Variants in HIVEP3 observed in about 807,000 individuals in gnomAD.
HIVEP3 encodes HIVEP zinc finger 3.
Under a neutral mutation model 152.8 loss-of-function variants are expected in HIVEP3, and 49 were observed. That is an observed-to-expected ratio of 0.32 (90% confidence interval 0.26 to 0.41). The LOEUF is 0.41. Among genes scored for constraint, HIVEP3 ranks in the 10% least tolerant of loss-of-function variants. HIVEP3 has a pLI of 1.00. For missense variants in HIVEP3, 2,790 were observed against 3,103.3 expected (o/e 0.90, Z 2.40); for synonymous variants, 1,269 against 1,289.0 (o/e 0.98, Z 0.33).
chr1:41,985,015 G>A (rs548549244), intron 1 of HIVEP3, among the ~76,000 whole-genome samples: 18 of 152,216 alleles, frequency 1.2e-4, no homozygotes, highest in African/African-American at 3.1e-4. Context: ...GAATGGCAGC[G>A]AAGGCCCTTC....
chr1:41,560,310 A>T (rs976730988), intron 5 of HIVEP3, among the ~76,000 whole-genome samples: 11 of 152,182 alleles, frequency 7.2e-5, no homozygotes, highest in African/African-American at 2.7e-4. Flanking sequence ...ATTTGAACCC[A>T]GGTGTGCTGT....
chr1:41,727,072 G>A (rs1223487287), intron 1 of HIVEP3, among the ~76,000 whole-genome samples: 7 of 152,204 alleles, frequency 4.6e-5, no homozygotes, highest in African/African-American at 1.7e-4. Flanking sequence ...GCCCAGTGTT[G>A]GGGGAGAAGA....
intron 1 of HIVEP3, among the ~76,000 whole-genome samples, chr1:41,845,425 A>ACACACACACACG (rs1643414738): frequency 1.7e-5 from 1 of 58,462 alleles, no homozygotes; most frequent in East Asian, 3.0e-4. Flanking sequence ...ACACGCACAC[A>ACACACACACACG]CACACACACA....
At chr1:41,879,853 A>G (rs1287865981) in intron 1 of HIVEP3, among the ~76,000 whole-genome samples, 1 of 152,210 alleles carries the variant, frequency 6.6e-6, no homozygotes, top group African/African-American at 2.4e-5. Context: ...CAGCCTAGGT[A>G]GTTACTAGAA....
At chr1:41,815,839 G>A (rs191322729) in intron 1 of HIVEP3, among the ~76,000 whole-genome samples, 91 of 150,818 alleles carry the variant, frequency 6.0e-4, no homozygotes, top group Middle Eastern at 3.4e-3. Flanking sequence ...GTGGGATCTC[G>A]GCCCACTGCA....
At chr1:41,897,225 G>A (rs1299211647) in intron 1 of HIVEP3, among the ~76,000 whole-genome samples, 1 of 152,146 alleles carries the variant, frequency 6.6e-6, no homozygotes, top group Non-Finnish European at 1.5e-5. Context: ...GGGGGATTCT[G>A]GCTAAATTGG....
intron 3 of HIVEP3, among the ~76,000 whole-genome samples, chr1:41,604,359 A>T (rs1644788050): frequency 6.6e-6 from 1 of 152,372 alleles, no homozygotes; most frequent in Non-Finnish European, 1.5e-5. Context: ...AGAACAAAGT[A>T]CTGCTACAGA....
chr1:41,779,286 T>C (rs1648897850), intron 1 of HIVEP3, among the ~76,000 whole-genome samples: 1 of 152,150 alleles, frequency 6.6e-6, no homozygotes, highest in Non-Finnish European at 1.5e-5. Flanking sequence ...GCTGCCTGGG[T>C]GGATCCCAAC....
chr1:41,951,803 G>A (rs949713483), intron 1 of HIVEP3, among the ~76,000 whole-genome samples: 13 of 152,166 alleles, frequency 8.5e-5, no homozygotes, highest in Admixed American at 7.8e-4. Context: ...AGAAAAGCAT[G>A]GGGGAAACTG....
chr1:41,996,415 C>G (rs1023427266), intron 1 of HIVEP3, among the ~76,000 whole-genome samples: 3 of 144,870 alleles, frequency 2.1e-5, no homozygotes, highest in Admixed American at 6.8e-5. Flanking sequence ...GAGAGAGAGA[C>G]AGAGCTGGCA....
intron 1 of HIVEP3, among the ~76,000 whole-genome samples, chr1:41,846,024 G>A (rs554307553): frequency 2.4e-4 from 37 of 152,218 alleles, no homozygotes; most frequent in Middle Eastern, 3.4e-3. Context: ...AGATTGCGCC[G>A]CTGCATTCCA....
rs559649768 is a variant in HIVEP3, at chr1:41,521,381, G to A, written c.5384-2893C>T. On this transcript the variant is annotated intron_variant, in intron 6 of 8. Coordinates refer to ENST00000372583, the MANE Select transcript of HIVEP3 (RefSeq NM_024503.5). ...AGAAGGCACCAGGGAGCCCCCCATA[G>A]GCCTCCCTCTCCTCTGCCCCCGCCA... 3.3e-5 allele frequency among the ~76,000 whole-genome samples: 5 copies of A among 152,354 alleles called. No homozygotes were observed. The East Asian group carries it at 5.8e-4, about 18-fold the overall frequency.
intron 1 of HIVEP3, among the ~76,000 whole-genome samples, chr1:41,939,346 G>A (rs1388814390): frequency 6.6e-6 from 1 of 152,132 alleles, no homozygotes; most frequent in Non-Finnish European, 1.5e-5. Flanking sequence ...TCCAGAATTT[G>A]GGAATAAAGG....
intron 1 of HIVEP3, among the ~76,000 whole-genome samples, chr1:41,994,875 A>C (rs1645386306): frequency 1.3e-5 from 2 of 152,176 alleles, no homozygotes; most frequent in South Asian, 4.1e-4. Context: ...TTTGAAAAAT[A>C]ACCCGAGAGG....
chr1:41,891,716 C>T (rs191209700), intron 1 of HIVEP3, among the ~76,000 whole-genome samples: 63 of 152,368 alleles, frequency 4.1e-4, no homozygotes, highest in African/African-American at 1.4e-3. Flanking sequence ...TTCTGAACAT[C>T]CATTCGGGCT....
At position 41,584,928 on chromosome 1, in the gene HIVEP3, G is replaced by C. The variant is rs1644481717; in HGVS notation, c.-131C>G. The C allele has an allele frequency of 1.2e-6, 1 of 856,952 alleles. No individual in the cohort carries two copies. The highest frequency in any genetic ancestry group is 1.6e-6 in the Non-Finnish European group (1 of 609,002). The allele number at this position is 856,952 out of a possible 1,614,324, so 53.1% of individuals were successfully genotyped here. On this transcript the variant is annotated 5_prime_UTR_variant, in exon 4 of 9. Transcript: ENST00000372583. The surrounding 1 kb of genome is among the most constrained non-coding windows in gnomAD (Gnocchi z 5.2). ...CAAGAGCTGTGGGAGCCAAACCCAA[G>C]ACGGCTTTGGGAGTTTTTTGCAAGT... is the stretch of plus-strand genomic sequence containing the variant.
Position 41,581,371 on chromosome 1 carries a change from C to T in HIVEP3, c.3427G>A (p.Val1143Ile). ...AGATGCTGGAAGGAGAAAAGGGAGA[C>T]TGGTGGGGGCAGGTATGGCTTCTCA... ...LHEKPYLPPP[V>I]SLFSFQHLVQ... Residue 1143 changes from valine to isoleucine, a missense_variant, in exon 4 of 9, where the codon GTC becomes ATC. By Grantham distance (29) the Val-to-Ile change is conservative. Around this residue, in one of 9 missense-constraint regions of HIVEP3, gnomAD observed 1,078 missense variants for 1,165.3 expected, o/e 0.93. Coordinates refer to ENST00000372583, the MANE Select transcript of HIVEP3 (RefSeq NM_024503.5). This position sits in a 1 kb window ranked among gnomAD's most constrained non-coding sequence, Gnocchi z 4.5. The T allele has an allele frequency of 1.2e-6, 2 of 1,612,940 alleles. No homozygotes were observed. The highest frequency in any genetic ancestry group is 1.7e-6 in the Non-Finnish European group (2 of 1,179,532).
chr1:41,703,547 GGTT>G (rs1176176395), intron 1 of HIVEP3, among the ~76,000 whole-genome samples: 2 of 152,076 alleles, frequency 1.3e-5, no homozygotes, highest in African/African-American at 4.8e-5. Flanking sequence ...CTATCTATAG[GGTT>G]GTTGTGAGGA....
At chr1:41,929,142 TCTAGG>T (rs1275457128) in intron 1 of HIVEP3, among the ~76,000 whole-genome samples, 3 of 152,156 alleles carry the variant, frequency 2.0e-5, no homozygotes, top group Non-Finnish European at 4.4e-5. Flanking sequence ...ACTGCAGTGT[TCTAGG>T]GGTGATTTTC....
Sources: allele counts gnomAD v4.1 joint callset (sites outside exome capture counted in the v4.1 genomes callset), GRCh38; gene constraint gnomAD v4.1.1; regional missense constraint gnomAD v4.1.1; non-coding constraint Gnocchi (gnomAD v3.1); transcripts MANE v1.5; gene names NCBI Gene and HGNC (gene_info 2026-07-23, HGNC 2026-07-21).